LRRIQ1: variants seen among roughly 807,000 people sequenced by gnomAD.
LRRIQ1 encodes the protein leucine-rich repeat- and IQ domain-containing protein 1.
In LRRIQ1, 210 loss-of-function variants were observed where a neutral mutation model predicts 211.9. That is an observed-to-expected ratio of 0.99 (90% CI 0.89 to 1.11). LRRIQ1 has a LOEUF of 1.11. LRRIQ1 is among the 50% of genes most tolerant of loss of function. LRRIQ1 has a pLI of 0.00. For missense variants in LRRIQ1, 2,136 were observed against 1,939.5 expected, an observed-to-expected ratio of 1.10 and a Z score of -1.90; for synonymous variants, 699 against 650.1, an observed-to-expected ratio of 1.08 and a Z score of -1.14.
chr12:85,220,800 CCT>C (rs1022919960), intron 24 of LRRIQ1, among the ~76,000 whole-genome samples: 12 of 131,348 alleles, frequency 9.1e-5, no homozygotes, highest in Admixed American at 3.2e-4. Context: ...CCCCCTCCCC[CCT>C]GTTTTTATTT....
At chr12:85,157,845 A>ATT (rs768056903) in intron 23 of LRRIQ1, among the ~76,000 whole-genome samples, 1 of 151,642 alleles carries the variant, frequency 6.6e-6, no homozygotes, top group Non-Finnish European at 1.5e-5. Flanking sequence ...CCTAACATGG[A>ATT]TTTTTTGCCA....
At chr12:85,170,194 T>C (rs1248518261) in intron 24 of LRRIQ1, among the ~76,000 whole-genome samples, 2 of 151,868 alleles carry the variant, frequency 1.3e-5, no homozygotes, top group African/African-American at 4.8e-5. Flanking sequence ...ATTTTTTGTA[T>C]TTCCCCCTAA....
chr12:85,052,058 T>G, intron 6 of LRRIQ1, 119 bp from the exon 7 acceptor site: 1 of 532,486 alleles, frequency 1.9e-6, no homozygotes, highest in Non-Finnish European at 3.2e-6. Context: ...TTGAAAGCCA[T>G]TGGTTGGGTT....
intron 23 of LRRIQ1, among the ~76,000 whole-genome samples, chr12:85,158,170 T>A (rs1293203240): frequency 6.6e-6 from 1 of 151,860 alleles, no homozygotes; most frequent in Non-Finnish European, 1.5e-5. Flanking sequence ...GCTGAAACAC[T>A]CTTGACATCT....
At chr12:85,133,073 AGTT>A (rs1262335239) in intron 18 of LRRIQ1, among the ~76,000 whole-genome samples, 1 of 152,122 alleles carries the variant, frequency 6.6e-6, no homozygotes, top group Non-Finnish European at 1.5e-5. Context: ...AAGTGAATAA[AGTT>A]GTCAGAAATA....
the LRRIQ1 span, among the ~76,000 whole-genome samples, chr12:85,271,026 C>T: frequency 4.4e-4 from 67 of 152,220 alleles, no homozygotes; most frequent in Admixed American, 8.5e-4. Flanking sequence ...AGTTATTTGA[C>T]GGAAGACACT....
intron 19 of LRRIQ1, among the ~76,000 whole-genome samples, chr12:85,146,186 A>T (rs961034859): frequency 6.6e-6 from 1 of 151,802 alleles, no homozygotes; most frequent in African/African-American, 2.4e-5. Flanking sequence ...CATCCAGAAT[A>T]ACCCTGGTCA....
At chr12:85,060,717 T>C (rs1019222358) in intron 8 of LRRIQ1, among the ~76,000 whole-genome samples, 15 of 151,900 alleles carry the variant, frequency 9.9e-5, no homozygotes, top group Non-Finnish European at 2.9e-5. Context: ...AGATTTGAGA[T>C]TGGACCACTG....
At chr12:85,197,752 G>A (rs1223650083) in intron 24 of LRRIQ1, among the ~76,000 whole-genome samples, 5 of 149,770 alleles carry the variant, frequency 3.3e-5, no homozygotes, top group Admixed American at 1.4e-4. Context: ...TGGGTGCAAC[G>A]CACCAGCATG....
chr12:85,246,036 A>G (rs1370659565), downstream of LRRIQ1, among the ~76,000 whole-genome samples: 8 of 151,202 alleles, frequency 5.3e-5, no homozygotes, highest in Admixed American at 2.7e-4. Context: ...ACTTGGCTTT[A>G]TTAGATTATA....
rs755439675 is a variant in LRRIQ1, at chr12:85,128,022, A to G, written c.4198A>G (p.Ile1400Val). 14 of 1,605,638 alleles carry G rather than the reference A, an allele frequency of 8.7e-6. 1 individual carries two copies. In the South Asian group the frequency reaches 1.5e-4, roughly 18 times the overall value. The change falls in exon 18 of 27, where the codon ATT becomes GTT. Residue 1400 changes from isoleucine to valine, a missense_variant. Ile to Val is a conservative substitution (Grantham distance 29). Transcript: ENST00000393217. ...CCGAAAACAGAGGGAGAAGGCTGCTATTCTTATTCAGGTTAATTTCAATCT... is the reference window on the plus strand; with the variant it reads ...CCGAAAACAGAGGGAGAAGGCTGCTGTTCTTATTCAGGTTAATTTCAATCT... ...NIRKQREKAA[I>V]LIQAVWKGFI...
At chr12:85,230,472 T>C (rs149298021) in intron 25 of LRRIQ1, among the ~76,000 whole-genome samples, 3 of 152,286 alleles carry the variant, frequency 2.0e-5, no homozygotes, top group Non-Finnish European at 4.4e-5. Flanking sequence ...ACCAGTGATA[T>C]TGGATTAAGG....
At chr12:85,146,230 C>T (rs1565867643) in intron 19 of LRRIQ1, among the ~76,000 whole-genome samples, 1 of 151,736 alleles carries the variant, frequency 6.6e-6, no homozygotes, top group Non-Finnish European at 1.5e-5. Flanking sequence ...CTTTCTAGGG[C>T]TATAGTGCTG....
In LRRIQ1 at chr12:85,056,383, A is replaced by G; in HGVS notation, c.1590A>G (p.Leu530=). 6 of 1,590,648 alleles carry G rather than the reference A, an allele frequency of 3.8e-6. 1 individual carries two copies. In the African/African-American group the frequency reaches 5.5e-5, roughly 14 times the overall value. Residue 530 remains leucine (L), a synonymous_variant, in exon 8 of 27, where the codon TTA becomes TTG. Transcript: ENST00000393217. Reference sequence around the variant, plus strand: ...AAGAACAGTTTCCATTGCAAGAATTAAAGTCTGATGCACAAAAAGAAGAAA... The same window carrying G: ...AAGAACAGTTTCCATTGCAAGAATTGAAGTCTGATGCACAAAAAGAAGAAA... ...NLKEQFPLQE[L]KSDAQKEEKI... is the part of the protein sequence containing the mutation.
intron 23 of LRRIQ1, 86 bp downstream of exon 23, chr12:85,154,180 A>G (rs1485782546): frequency 2.9e-6 from 2 of 691,028 alleles, no homozygotes; most frequent in East Asian, 3.3e-5. Flanking sequence ...AATTATGTTT[A>G]ATAAGAACAG....
chr12:85,208,272 T>G (rs912815239), intron 24 of LRRIQ1, among the ~76,000 whole-genome samples: 2 of 151,468 alleles, frequency 1.3e-5, no homozygotes, highest in African/African-American at 4.8e-5. Context: ...AACAAACATA[T>G]AGGTATAGTA....
chr12:85,068,869 T>C (rs561665342), intron 10 of LRRIQ1, among the ~76,000 whole-genome samples: 4 of 151,560 alleles, frequency 2.6e-5, no homozygotes, highest in African/African-American at 9.6e-5. Context: ...GCTTTGTCCA[T>C]TTACTTTTTT....
chr12:85,117,416 G>GA (rs1452518761), intron 15 of LRRIQ1, among the ~76,000 whole-genome samples: 1 of 152,050 alleles, frequency 6.6e-6, no homozygotes, highest in Non-Finnish European at 1.5e-5. Context: ...AGTAGGAGAA[G>GA]AAAAAATCTG....
At chr12:85,120,230 C>T (rs1887875871) in intron 15 of LRRIQ1, among the ~76,000 whole-genome samples, 1 of 152,084 alleles carries the variant, frequency 6.6e-6, no homozygotes, top group Non-Finnish European at 1.5e-5. Context: ...TGTAGTCTGT[C>T]TAGCTTCATG....
Sources: allele counts gnomAD v4.1 joint callset (sites outside exome capture counted in the v4.1 genomes callset), GRCh38; gene constraint gnomAD v4.1.1; transcripts MANE v1.5; gene names NCBI Gene and HGNC (gene_info 2026-07-23, HGNC 2026-07-21).